ZC3HAV1L: variants seen among roughly 807,000 people sequenced by gnomAD.
The protein encoded by ZC3HAV1L is ZC3HAV1 like.
A neutral mutation model predicts 28.2 loss-of-function variants in ZC3HAV1L; 23 were observed. That is an observed-to-expected ratio of 0.82 (90% confidence interval 0.59 to 1.16). The LOEUF is 1.16. Among genes scored for constraint, ZC3HAV1L ranks in the 50% most tolerant of loss-of-function variants. The pLI is 0.00. For missense variants in ZC3HAV1L, 376 were observed against 387.7 expected (o/e 0.97, Z 0.25); for synonymous variants, 180 against 163.4 (o/e 1.10, Z -0.78).
intron 2 of ZC3HAV1L, among the ~76,000 whole-genome samples, chr7:139,032,627 A>C (rs1322617252): frequency 6.6e-6 from 1 of 151,490 alleles, no homozygotes; most frequent in Non-Finnish European, 1.5e-5. Flanking sequence ...CATCTCAAAA[A>C]AAAAGAAATA....
Position 139,034,630 on chromosome 7 carries a change from C to G in ZC3HAV1L, c.414G>C (p.Gln138His), listed in dbSNP as rs1445376896. Residue 138 changes from glutamine to histidine, a missense_variant, in exon 2 of 5, where the codon CAG becomes CAC. Coordinates refer to ENST00000275766, the MANE Select transcript of ZC3HAV1L (RefSeq NM_080660.4). ...SHDIHTPVNM[Q>H]VLKSHGLFGL... is the part of the protein sequence containing the mutation. ...CAAAAAGTCCATGGCTTTTCAGGACCTGCATGTTGACAGGTGTGTGGATAT... is the reference window on the plus strand; with the variant it reads ...CAAAAAGTCCATGGCTTTTCAGGACGTGCATGTTGACAGGTGTGTGGATAT... 1.2e-6 allele frequency: 2 copies of G among 1,614,038 alleles called. No homozygotes were observed. The highest frequency in any genetic ancestry group is 4.5e-5 in the East Asian group (2 of 44,882).
downstream of ZC3HAV1L, among the ~76,000 whole-genome samples, chr7:139,025,338 C>T (rs1815325248): frequency 6.6e-6 from 1 of 151,756 alleles, no homozygotes; most frequent in African/African-American, 2.4e-5. Flanking sequence ...ACCTCAGCTA[C>T]TTGGGAGGCT....
chr7:139,023,194 A>C (rs1341789609), downstream of ZC3HAV1L, among the ~76,000 whole-genome samples: 4 of 151,462 alleles, frequency 2.6e-5, no homozygotes, highest in African/African-American at 7.3e-5. Flanking sequence ...AAAAAAAAAA[A>C]AAAAAAAACA....
chr7:139,031,265 C>CAG (rs1260327317), intron 2 of ZC3HAV1L, among the ~76,000 whole-genome samples: 1 of 152,012 alleles, frequency 6.6e-6, no homozygotes, highest in Non-Finnish European at 1.5e-5. Context: ...CTAGGCAACA[C>CAG]AGCAAGACTC....
chr7:139,024,028 A>C (rs999382574), downstream of ZC3HAV1L, among the ~76,000 whole-genome samples: 2 of 152,250 alleles, frequency 1.3e-5, no homozygotes, highest in African/African-American at 4.8e-5. Context: ...TTCAAAAATA[A>C]GGAAATAAAA....
Position 139,033,887 on chromosome 7 carries a change from G to T in ZC3HAV1L, c.501+656C>A, listed in dbSNP as rs552233664. On this transcript the variant is annotated intron_variant, in intron 2 of 4. Transcript: ENST00000275766. ...CAATAACCTGCTTCAGCTACTGCTT[G>T]CATCTACTTTGGGCAACATGGTTGG... is the stretch of plus-strand genomic sequence containing the variant. 82 of 985,378 alleles carry T rather than the reference G, an allele frequency of 8.3e-5. 1 individual carries two copies. In the South Asian group the frequency reaches 3.3e-3, roughly 40 times the overall value. The allele number at this position is 985,378 out of a possible 1,614,324, so 61.0% of individuals were successfully genotyped here. A position where few individuals can be genotyped will look rare whatever the true frequency, so the allele number is the denominator to read the frequency against.
At chr7:139,023,046 A>G (rs536040432), downstream of ZC3HAV1L, among the ~76,000 whole-genome samples, 13 of 152,018 alleles carry the variant, frequency 8.6e-5, no homozygotes, top group Non-Finnish European at 1.5e-4. Flanking sequence ...ATGGTGGTAC[A>G]TGCCTATAAT....
At chr7:139,026,599 C>T in intron 4 of ZC3HAV1L, 39 bp from the exon 5 acceptor site, 1 of 1,612,020 alleles carries the variant, frequency 6.2e-7, no homozygotes, top group Non-Finnish European at 8.5e-7. Flanking sequence ...ACAAATCTAT[C>T]ATTAAATGAA....
intron 2 of ZC3HAV1L, chr7:139,034,086 A>G: frequency 1.0e-6 from 1 of 985,448 alleles, no homozygotes; most frequent in Non-Finnish European, 1.2e-6. Context: ...CACCTGCACC[A>G]AAGGCTCCAG....
chr7:139,034,550 A>G lies in ZC3HAV1L; in HGVS notation c.494T>C (p.Leu165Ser), dbSNP rs758241105. 1.2e-6 allele frequency: 2 copies of G among 1,614,182 alleles called. No homozygotes were observed. The highest frequency in any genetic ancestry group is 1.3e-5 in the African/African-American group (1 of 75,072). ...ILLLQNDPCL[L>S]PEVCLLYNKG... The stretch of plus-strand genomic sequence containing the variant: ...GACTCCTTGGTGACTCACCTCTGGT[A>G]AAAGACAGGGGTCATTCTGCAAAAG... The change falls in exon 2 of 5, where the codon TTA becomes TCA. Residue 165 changes from leucine (L) to serine (S), a missense_variant. Coordinates refer to ENST00000275766, the MANE Select transcript of ZC3HAV1L (RefSeq NM_080660.4).
intron 3 of ZC3HAV1L, among the ~76,000 whole-genome samples, chr7:139,028,384 C>CAA (rs1481936943): frequency 7.2e-6 from 1 of 138,522 alleles, no homozygotes; most frequent in Admixed American, 7.2e-5. Context: ...AAAAAAAAAA[C>CAA]AAAAACAAAA....
At chr7:139,028,668 C>T in intron 3 of ZC3HAV1L, 34 bp downstream of exon 3, 5 of 1,600,736 alleles carry the variant, frequency 3.1e-6, no homozygotes, top group Non-Finnish European at 4.3e-6. Flanking sequence ...AACCATATCG[C>T]TGATACTTCT....
chr7:139,034,208 T>G (rs1563116087), intron 2 of ZC3HAV1L: 1 of 980,268 alleles, frequency 1.0e-6, no homozygotes, highest in Non-Finnish European at 1.2e-6. Flanking sequence ...TCTCCCCTTC[T>G]TCCCATCCCT....
chr7:139,026,812 T>C lies in ZC3HAV1L; in HGVS notation c.782A>G (p.Glu261Gly), dbSNP rs374082976. The C allele has an allele frequency of 2.2e-5, 36 of 1,613,848 alleles. No homozygotes were observed. In the African/African-American group the frequency reaches 4.3e-4, roughly 19 times the overall value. Residue 261 changes from glutamate to glycine, a missense_variant, in exon 4 of 5, where the codon GAG (glutamate) becomes GGG (glycine). Glu to Gly is a moderately conservative substitution (Grantham distance 98). Coordinates refer to ENST00000275766, the MANE Select transcript of ZC3HAV1L (RefSeq NM_080660.4). ...ENTDNSSPSTEHSQGLEKQGV... is the reference protein window; with the variant it reads ...ENTDNSSPSTGHSQGLEKQGV... Reference sequence around the variant, plus strand: ...TTGCTTCTCAAGGCCTTGTGAATGCTCAGTCGAAGGTGATGAATTATCTAC... The same window carrying C: ...TTGCTTCTCAAGGCCTTGTGAATGCCCAGTCGAAGGTGATGAATTATCTAC...
At chr7:139,035,056 A>G (rs1815659280) in intron 1 of ZC3HAV1L, 1 of 985,298 alleles carries the variant, frequency 1.0e-6, no homozygotes, top group Non-Finnish European at 1.2e-6. Context: ...GTGGCTAGAG[A>G]CAACCAAGGA....
chr7:139,035,673 C>T lies in ZC3HAV1L; in HGVS notation c.345G>A (p.Lys115=), dbSNP rs1201396712. The part of the protein sequence containing the change: ...LHFCRRHMLG[K]CPNRDCWSTC... ...CTCACCAGCAGTCCCGGTTGGGGCACTTGCCCAGCATGTGCCGGCGGCAGA... is the reference window on the plus strand; with the variant it reads ...CTCACCAGCAGTCCCGGTTGGGGCATTTGCCCAGCATGTGCCGGCGGCAGA... The change falls in exon 1 of 5, where the codon AAG becomes AAA. Residue 115 remains lysine (K), a synonymous_variant. Transcript: ENST00000275766. 6 of 1,468,378 alleles carry T rather than the reference C, an allele frequency of 4.1e-6. No homozygotes were observed. In the South Asian group the frequency reaches 6.6e-5, roughly 16 times the overall value. 91.0% of individuals were successfully genotyped at this position (1,468,378 alleles called of 1,614,324 possible). A position where few individuals can be genotyped will look rare whatever the true frequency, so the allele number is the denominator to read the frequency against.
At position 139,035,687 on chromosome 7, in the gene ZC3HAV1L, G is replaced by A. The variant is rs1454166157; in HGVS notation, c.331C>T (p.His111Tyr). 4.7e-6 allele frequency: 7 copies of A among 1,478,036 alleles called. No individual in the cohort carries two copies. In the South Asian group the frequency reaches 7.7e-5, roughly 16 times the overall value. The allele number at this position is 1,478,036 out of a possible 1,614,324, so 91.6% of individuals were successfully genotyped here. A position where few individuals can be genotyped will look rare whatever the true frequency, so the allele number is the denominator to read the frequency against. The change falls in exon 1 of 5, where the codon CAC becomes TAC. Residue 111 changes from histidine (H) to tyrosine (Y), a missense_variant. Transcript: ENST00000275766. ...CGGTTGGGGCACTTGCCCAGCATGT[G>A]CCGGCGGCAGAAGTGCAGCTGGTCG... ...ACDQLHFCRR[H>Y]MLGKCPNRDC...
intron 3 of ZC3HAV1L, 82 bp from the exon 4 acceptor site, chr7:139,026,915 C>A: frequency 6.7e-7 from 1 of 1,486,800 alleles, no homozygotes; most frequent in Non-Finnish European, 9.1e-7. Context: ...GCTAACCAGC[C>A]ATCAGACAAG....
At chr7:139,024,277 T>C (rs971526663), downstream of ZC3HAV1L, among the ~76,000 whole-genome samples, 2 of 152,128 alleles carry the variant, frequency 1.3e-5, no homozygotes, top group Non-Finnish European at 2.9e-5. Flanking sequence ...AAGTAGACTA[T>C]TATAGAATTG....
Sources: gnomAD v4.1 joint callset for allele counts (sites outside exome capture counted in the v4.1 genomes callset) on GRCh38, gnomAD v4.1.1 for gene constraint, MANE v1.5 for transcripts, NCBI Gene and HGNC (gene_info 2026-07-23, HGNC 2026-07-21) for gene names.